SEMA3D: variants seen among roughly 807,000 people sequenced by gnomAD.
SEMA3D encodes semaphorin 3D.
Under a neutral mutation model 100.1 loss-of-function variants are expected in SEMA3D, and 84 were observed. The observed-to-expected ratio is 0.84, with a 90% CI of 0.70 to 1.01. The LOEUF (loss-of-function observed/expected upper bound fraction) is 1.01, where lower values mean the gene tolerates loss of function less well. SEMA3D is among the 50% of genes least tolerant of loss of function. SEMA3D has a pLI of 0.00. For missense variants in SEMA3D, 875 were observed against 934.1 expected (o/e 0.94, Z 0.82); for synonymous variants, 312 against 320.7 (o/e 0.97, Z 0.29).
At chr7:85,237,782 A>G in the SEMA3D span, among the ~76,000 whole-genome samples, 1 of 152,188 alleles carries the variant, frequency 6.6e-6, no homozygotes, top group Non-Finnish European at 1.5e-5. Context: ...GTAAGTTTTC[A>G]GTTCATTTGG....
At chr7:85,101,042 C>T (rs980965014) in intron 3 of SEMA3D, among the ~76,000 whole-genome samples, 6 of 151,746 alleles carry the variant, frequency 4.0e-5, no homozygotes, top group African/African-American at 1.5e-4. Flanking sequence ...TTAGCAGTTC[C>T]GAATGCAGGG....
intron 1 of SEMA3D, chr7:85,181,777 G>A (rs1240096005): frequency 1.0e-6 from 1 of 982,310 alleles, no homozygotes; most frequent in Non-Finnish European, 1.2e-6. Flanking sequence ...ACTGACCAGT[G>A]AAAGATTAGC....
chr7:85,195,459 G>A, the SEMA3D span, among the ~76,000 whole-genome samples: 1 of 151,600 alleles, frequency 6.6e-6, no homozygotes, highest in South Asian at 2.1e-4. Flanking sequence ...TTGAGACAGT[G>A]TCACCCAGAA....
chr7:85,141,669 T>G, intron 2 of SEMA3D: 8 of 982,302 alleles, frequency 8.1e-6, no homozygotes, highest in Non-Finnish European at 8.5e-6. Context: ...ACATGTTCCT[T>G]TTGGGCTGAA....
intron 9 of SEMA3D, chr7:85,050,209 T>A (rs1049498893): frequency 6.6e-6 from 1 of 151,672 alleles, no homozygotes; most frequent in African/African-American, 2.4e-5. Context: ...ATCTTTTCAG[T>A]GGGTTTATTT....
chr7:85,064,559 A>C (rs1791562127), intron 8 of SEMA3D, among the ~76,000 whole-genome samples: 1 of 152,126 alleles, frequency 6.6e-6, no homozygotes, highest in Non-Finnish European at 1.5e-5. Context: ...TGAGAGATAG[A>C]GAGATAGACC....
chr7:85,193,873 AG>A, the SEMA3D span, among the ~76,000 whole-genome samples: 13 of 111,570 alleles, frequency 1.2e-4, no homozygotes, highest in African/African-American at 4.3e-4. Flanking sequence ...ACCATACTAA[AG>A]GAAAAAAAAA....
At chr7:85,236,299 T>TTATTTATG in the SEMA3D span, among the ~76,000 whole-genome samples, 9,599 of 148,892 alleles carry the variant, frequency 0.064, 840 homozygotes, top group African/African-American at 0.19. Flanking sequence ...ATTTATTTAT[T>TTATTTATG]TATTTATTTA....
chr7:85,199,442 G>T, the SEMA3D span, among the ~76,000 whole-genome samples: 5 of 151,998 alleles, frequency 3.3e-5, no homozygotes. Flanking sequence ...TAGTTGTTTT[G>T]TTAGTTGTTT....
chr7:85,158,970 C>T (rs977499758), intron 1 of SEMA3D, among the ~76,000 whole-genome samples: 2 of 152,126 alleles, frequency 1.3e-5, no homozygotes, highest in Non-Finnish European at 2.9e-5. Context: ...ACTTATTTCT[C>T]CCCTTCTCAC....
the SEMA3D span, among the ~76,000 whole-genome samples, chr7:85,200,534 G>A: frequency 1.3e-5 from 2 of 152,306 alleles, no homozygotes; most frequent in East Asian, 1.9e-4. Context: ...AAGCATTCAA[G>A]AGGAGACTTG....
At chr7:85,001,424 A>T (rs1353349583) in intron 18 of SEMA3D, among the ~76,000 whole-genome samples, 2 of 152,190 alleles carry the variant, frequency 1.3e-5, no homozygotes, top group East Asian at 3.9e-4. Flanking sequence ...ATTCTCAGAA[A>T]CCATAGAAGT....
intron 1 of SEMA3D, among the ~76,000 whole-genome samples, chr7:85,156,803 A>G (rs758820183): frequency 1.3e-5 from 2 of 152,212 alleles, no homozygotes; most frequent in Non-Finnish European, 2.9e-5. Context: ...ACAAAATACC[A>G]TTAGCATAAC....
At chr7:85,005,133 T>C (rs1372231312) in intron 18 of SEMA3D, among the ~76,000 whole-genome samples, 1 of 151,984 alleles carries the variant, frequency 6.6e-6, no homozygotes, top group African/African-American at 2.4e-5. Context: ...AGAATTATAT[T>C]TAACTGAAAA....
intron 7 of SEMA3D, among the ~76,000 whole-genome samples, chr7:85,066,222 G>C (rs1562803390): frequency 6.6e-6 from 1 of 152,044 alleles, no homozygotes; most frequent in Non-Finnish European, 1.5e-5. Flanking sequence ...AGGAGCAAAA[G>C]AGAGAAGGGG....
chr7:85,177,061 C>T lies in SEMA3D; in HGVS notation c.-173+9617G>A, dbSNP rs76396592. Among the ~76,000 whole-genome samples, 813 of 152,080 alleles carry T rather than the reference C, an allele frequency of 5.3e-3. 10 individuals carry two copies. The highest frequency in any genetic ancestry group is 0.019 in the African/African-American group (769 of 41,496). On this transcript the variant is annotated intron_variant, in intron 1 of 18. Coordinates refer to ENST00000284136, the MANE Select transcript of SEMA3D (RefSeq NM_001384900.1). Reference sequence around the variant, plus strand: ...CAATAGGCTATACCATCTAGGTTTGCGTAGGTTCATTCTATGATGTTTGCA... The same window carrying T: ...CAATAGGCTATACCATCTAGGTTTGTGTAGGTTCATTCTATGATGTTTGCA...
chr7:85,225,568 A>AT, the SEMA3D span, among the ~76,000 whole-genome samples: 1 of 152,164 alleles, frequency 6.6e-6, no homozygotes, highest in African/African-American at 2.4e-5. Flanking sequence ...AGGTTAAAAG[A>AT]TTTTCTAGAT....
the SEMA3D span, among the ~76,000 whole-genome samples, chr7:85,192,514 G>A: frequency 2.0e-5 from 3 of 151,996 alleles, no homozygotes; most frequent in Admixed American, 6.6e-5. Flanking sequence ...AGTTACTACC[G>A]AACTAGACCA....
chr7:85,062,441 TA>T (rs1172555342), intron 8 of SEMA3D, among the ~76,000 whole-genome samples: 7 of 151,968 alleles, frequency 4.6e-5, no homozygotes. Context: ...TTCAAGGAAG[TA>T]AAAGCTCTTA....
Sources: gnomAD v4.1 joint callset for allele counts (sites outside exome capture counted in the v4.1 genomes callset) on GRCh38, gnomAD v4.1.1 for gene constraint, MANE v1.5 for transcripts, NCBI Gene and HGNC (gene_info 2026-07-23, HGNC 2026-07-21) for gene names.